Variants in HPCAL1 observed in about 807,000 individuals in gnomAD.
HPCAL1 encodes the protein hippocalcin-like protein 1.
Under a neutral mutation model 17.1 loss-of-function variants are expected in HPCAL1, and 8 were observed. That is an observed-to-expected ratio of 0.47 (90% CI 0.27 to 0.84). The LOEUF is 0.84. Among genes scored for constraint, HPCAL1 ranks in the 40% least tolerant of loss-of-function variants. The probability of loss-of-function intolerance (pLI) is 0.13; values close to 1 mark genes in which losing one functional copy is unlikely to be tolerated. For synonymous variants in HPCAL1, 112 were observed against 111.4 expected, an observed-to-expected ratio of 1.01 and a Z score of -0.03; for missense variants, 165 against 271.1, an observed-to-expected ratio of 0.61 and a Z score of 2.75.
intron 1 of HPCAL1, among the ~76,000 whole-genome samples, chr2:10,376,279 A>G (rs1572752671): frequency 6.6e-6 from 1 of 152,228 alleles, no homozygotes; most frequent in Non-Finnish European, 1.5e-5. Flanking sequence ...CACATTAGCC[A>G]TAGCCATTTA....
chr2:10,360,623 G>A (rs1666461673), intron 1 of HPCAL1, among the ~76,000 whole-genome samples: 1 of 152,214 alleles, frequency 6.6e-6, no homozygotes, highest in Admixed American at 6.5e-5. Context: ...ATTCTGGCCA[G>A]GCTGGTCTGA....
chr2:10,386,352 A>G (rs1668307584), intron 1 of HPCAL1, among the ~76,000 whole-genome samples: 2 of 151,840 alleles, frequency 1.3e-5, no homozygotes, highest in African/African-American at 2.4e-5. Context: ...TGAGCTGCCT[A>G]CTCGCTGACT....
intron 1 of HPCAL1, among the ~76,000 whole-genome samples, chr2:10,347,893 G>C (rs1050049762): frequency 6.6e-6 from 1 of 152,168 alleles, no homozygotes; most frequent in Non-Finnish European, 1.5e-5. Flanking sequence ...GCGTGGGAAT[G>C]GGGGAGGGGA....
chr2:10,371,953 G>A (rs1406782730), intron 1 of HPCAL1, among the ~76,000 whole-genome samples: 2 of 152,348 alleles, frequency 1.3e-5, no homozygotes, highest in South Asian at 2.1e-4. Context: ...AGGCCCGCCA[G>A]CGCCTCAGAT....
chr2:10,380,677 A>C (rs185330261), intron 1 of HPCAL1, among the ~76,000 whole-genome samples: 154 of 151,864 alleles, frequency 1.0e-3, no homozygotes, highest in African/African-American at 3.7e-3. Context: ...CTGCATGACT[A>C]TTATTCACTC....
chr2:10,374,692 T>A (rs530650702), intron 1 of HPCAL1, among the ~76,000 whole-genome samples: 1 of 152,330 alleles, frequency 6.6e-6, no homozygotes, highest in Admixed American at 6.5e-5. Context: ...GGGCCTGGGG[T>A]TGAGCTGGGC....
At chr2:10,379,954 T>G (rs947040056) in intron 1 of HPCAL1, among the ~76,000 whole-genome samples, 2 of 152,192 alleles carry the variant, frequency 1.3e-5, no homozygotes, top group Non-Finnish European at 2.9e-5. Context: ...ATGAATACTT[T>G]GGACAAAGCT....
intron 1 of HPCAL1, among the ~76,000 whole-genome samples, chr2:10,314,428 C>T (rs1191989111): frequency 1.3e-5 from 2 of 152,138 alleles, no homozygotes; most frequent in Non-Finnish European, 2.9e-5. Flanking sequence ...ATTAAGAAGA[C>T]AGGGACTCGT....
Position 10,348,259 on chromosome 2 carries a change from G to C in HPCAL1, c.-111+45082G>C, listed in dbSNP as rs528404986. 9.9e-5 allele frequency among the ~76,000 whole-genome samples: 15 copies of C among 152,220 alleles called. 2 individuals are homozygous for C. Among genetic ancestry groups the C allele is most frequent in the African/African-American group, 3.6e-4 (15 of 41,526 alleles). On this transcript the variant is annotated intron_variant, in intron 1 of 4. Transcript: ENST00000307845. ...AAGATCAGGAGTTCAAGACCAGCCT[G>C]CCAACATGGTGAAACCTCATCTCTA...
At chr2:10,324,980 G>A (rs1291556267) in intron 1 of HPCAL1, among the ~76,000 whole-genome samples, 4 of 149,686 alleles carry the variant, frequency 2.7e-5, no homozygotes. Context: ...GCACCACCAC[G>A]CCCAGCAATT....
chr2:10,416,716 C>G (rs1478984068), intron 2 of HPCAL1, among the ~76,000 whole-genome samples: 2 of 146,774 alleles, frequency 1.4e-5, no homozygotes, highest in African/African-American at 5.0e-5. Context: ...TTTTTTTTTC[C>G]ATGTAGAAAT....
At chr2:10,393,597 CT>C (rs757003123) in intron 1 of HPCAL1, among the ~76,000 whole-genome samples, 1 of 152,208 alleles carries the variant, frequency 6.6e-6, no homozygotes, top group Non-Finnish European at 1.5e-5. Context: ...AAAGATGCCT[CT>C]GTGGAGCTGG....
Position 10,384,888 on chromosome 2 carries a change from G to A in HPCAL1, c.-110-11947G>A, listed in dbSNP as rs540781183. Among the ~76,000 whole-genome samples, 20 of 152,260 alleles carry A rather than the reference G, an allele frequency of 1.3e-4. No homozygotes were observed. The highest frequency in any genetic ancestry group is 3.4e-3 in the Middle Eastern group (1 of 294). ...TGTAATCCCAACGCTTTGGGAGGCC[G>A]AGGTGGGTGGATCACAAGGTCAAGA... is the stretch of plus-strand genomic sequence containing the variant. On this transcript the variant is annotated intron_variant, in intron 1 of 4. Coordinates refer to ENST00000307845, the MANE Select transcript of HPCAL1 (RefSeq NM_002149.4). The surrounding 1 kb of genome is among the most constrained non-coding windows in gnomAD (Gnocchi z 4.4).
chr2:10,344,253 C>T lies in HPCAL1; in HGVS notation c.-111+41076C>T, dbSNP rs1310041060. On this transcript the variant is annotated intron_variant, in intron 1 of 4. Transcript: ENST00000307845. This position sits in a 1 kb window ranked among gnomAD's most constrained non-coding sequence, Gnocchi z 4.9. ...CTTGCTTTCCCCATAGGCATCACTT[C>T]GACCAGCGTCTGTGTGGGGTGTGCA... 2.0e-5 allele frequency among the ~76,000 whole-genome samples: 3 copies of T among 152,106 alleles called. No homozygotes were observed. The highest frequency in any genetic ancestry group is 4.4e-5 in the Non-Finnish European group (3 of 68,018).
intron 1 of HPCAL1, among the ~76,000 whole-genome samples, chr2:10,352,464 C>T (rs1675291906): frequency 6.6e-6 from 1 of 152,200 alleles, no homozygotes; most frequent in African/African-American, 2.4e-5. Context: ...ACTGATTTCC[C>T]AGTAGGGTTT....
chr2:10,314,631 AATG>A (rs1362372976), intron 1 of HPCAL1, among the ~76,000 whole-genome samples: 4 of 152,176 alleles, frequency 2.6e-5, no homozygotes, highest in African/African-American at 9.7e-5. Flanking sequence ...TCCTCATTAT[AATG>A]ATGTCTTTAT....
chr2:10,321,039 AT>A (rs199623471), intron 1 of HPCAL1, among the ~76,000 whole-genome samples: 1,721 of 152,298 alleles, frequency 0.011, 34 homozygotes, highest in African/African-American at 0.039. Flanking sequence ...ACGGTCATTA[AT>A]AAAGAAAAGA....
At chr2:10,422,943 C>A (rs765687529) in intron 3 of HPCAL1, 40 bp from the exon 4 acceptor site, 14 of 1,470,952 alleles carry the variant, frequency 9.5e-6, no homozygotes, top group Admixed American at 1.7e-5. Flanking sequence ...CGCCCAAGCC[C>A]CCGGGCCTCT....
At chr2:10,346,074 G>C (rs532696317) in intron 1 of HPCAL1, among the ~76,000 whole-genome samples, 1 of 151,436 alleles carries the variant, frequency 6.6e-6, no homozygotes, top group African/African-American at 2.4e-5. Context: ...GAGCCAGGCT[G>C]TGTGTGTGTG....
Sources: allele counts gnomAD v4.1 joint callset (sites outside exome capture counted in the v4.1 genomes callset), GRCh38; gene constraint gnomAD v4.1.1; non-coding constraint Gnocchi (gnomAD v3.1); transcripts MANE v1.5; gene names NCBI Gene and HGNC (gene_info 2026-07-23, HGNC 2026-07-21).